The following SLMAP variants were observed in gnomAD, a reference collection of about 807,000 sequenced individuals.
The protein encoded by SLMAP is sarcolemma associated protein, also known as sarcolemmal membrane-associated protein.
In SLMAP, 44 loss-of-function variants were observed where a neutral mutation model predicts 128.8. The observed-to-expected ratio is 0.34, with a 90% CI of 0.27 to 0.44. The LOEUF (loss-of-function observed/expected upper bound fraction) is 0.44, where lower values mean the gene tolerates loss of function less well. Among genes scored for constraint, SLMAP ranks in the 20% least tolerant of loss-of-function variants. SLMAP has a pLI of 1.00. For missense variants in SLMAP, 787 were observed against 985.3 expected (o/e 0.80, Z 2.69); for synonymous variants, 327 against 348.8 (o/e 0.94, Z 0.70).
chr3:57,898,132 T>C (rs914452960), intron 17 of SLMAP: 6 of 152,212 alleles, frequency 3.9e-5, no homozygotes, highest in Non-Finnish European at 8.8e-5. Context: ...TTTGGGATTA[T>C]ATAAGGAAGG....
At chr3:57,856,480 C>T (rs373087809) in intron 6 of SLMAP, among the ~76,000 whole-genome samples, 1 of 152,038 alleles carries the variant, frequency 6.6e-6, no homozygotes, top group African/African-American at 2.4e-5. Flanking sequence ...GACATAAGCA[C>T]ACACATTAGC....
chr3:57,797,540 A>G (rs773719923), intron 2 of SLMAP, among the ~76,000 whole-genome samples: 5 of 151,652 alleles, frequency 3.3e-5, no homozygotes, highest in Non-Finnish European at 5.9e-5. Context: ...TGTAATGCAT[A>G]TAAAGCAATA....
At chr3:57,765,748 T>A (rs1356603889) in intron 2 of SLMAP, among the ~76,000 whole-genome samples, 1 of 152,226 alleles carries the variant, frequency 6.6e-6, no homozygotes, top group African/African-American at 2.4e-5. Flanking sequence ...ACTTGACAAG[T>A]TGTATTTAAG....
intron 2 of SLMAP, among the ~76,000 whole-genome samples, chr3:57,774,951 G>A (rs562521197): frequency 1.1e-3 from 173 of 152,172 alleles, no homozygotes; most frequent in Admixed American, 1.4e-3. Flanking sequence ...ATAGAAAAAT[G>A]TTTACTCCTG....
intron 23 of SLMAP, among the ~76,000 whole-genome samples, chr3:57,923,387 T>C (rs1051170893): frequency 2.6e-5 from 4 of 152,148 alleles, no homozygotes; most frequent in African/African-American, 9.7e-5. Flanking sequence ...CAGGGATCCA[T>C]TTAAGAGAGA....
chr3:57,906,300 C>CTTTTTTTTTTTTTTTTTTTTTT (rs112949836), intron 17 of SLMAP, among the ~76,000 whole-genome samples: 1 of 71,290 alleles, frequency 1.4e-5, no homozygotes, highest in East Asian at 9.5e-4. Flanking sequence ...AAATTTTTTT[C>CTTTTTTTTTTTTTTTTTTTTTT]TTTTTTTTTC....
intron 2 of SLMAP, among the ~76,000 whole-genome samples, chr3:57,798,061 T>C (rs765386704): frequency 2.0e-5 from 3 of 152,212 alleles, no homozygotes; most frequent in Non-Finnish European, 4.4e-5. Flanking sequence ...AGTTAATATA[T>C]GTGAAGGCAT....
intron 2 of SLMAP, among the ~76,000 whole-genome samples, chr3:57,791,231 A>G (rs1479229563): frequency 2.0e-5 from 3 of 152,072 alleles, no homozygotes; most frequent in Non-Finnish European, 2.9e-5. Context: ...ATTGTGGAGC[A>G]TGCCTGTAAT....
intron 13 of SLMAP, among the ~76,000 whole-genome samples, chr3:57,869,659 T>TATATATATAA (rs1213782539): frequency 8.7e-6 from 1 of 115,446 alleles, no homozygotes; most frequent in South Asian, 2.7e-4. Context: ...TATATATATA[T>TATATATATAA]AATATATATA....
At chr3:57,847,769 C>A (rs1360517119) in intron 5 of SLMAP, among the ~76,000 whole-genome samples, 1 of 151,952 alleles carries the variant, frequency 6.6e-6, no homozygotes, top group Admixed American at 6.6e-5. Flanking sequence ...GCTAATTAGC[C>A]CCCCAAAATA....
chr3:57,773,581 G>C (rs1391570995), intron 2 of SLMAP, among the ~76,000 whole-genome samples: 1 of 152,168 alleles, frequency 6.6e-6, no homozygotes, highest in Non-Finnish European at 1.5e-5. Flanking sequence ...GAATCTTGGA[G>C]TTGCAACTGT....
At chr3:57,859,584 C>T (rs1017880373) in intron 8 of SLMAP, among the ~76,000 whole-genome samples, 3 of 152,024 alleles carry the variant, frequency 2.0e-5, no homozygotes, top group African/African-American at 7.2e-5. Flanking sequence ...AAAACAATGG[C>T]CATTGTTTTT....
At chr3:57,758,796 A>G (rs1032830517) in intron 2 of SLMAP, among the ~76,000 whole-genome samples, 1 of 152,180 alleles carries the variant, frequency 6.6e-6, no homozygotes, top group African/African-American at 2.4e-5. Context: ...GTTTGTGGAG[A>G]GTATACTAAA....
At chr3:57,787,637 A>G (rs573027372) in intron 2 of SLMAP, among the ~76,000 whole-genome samples, 233 of 152,224 alleles carry the variant, frequency 1.5e-3, no homozygotes, top group African/African-American at 5.5e-3. Context: ...CACGATACCC[A>G]GCTAATTTTT....
intron 2 of SLMAP, among the ~76,000 whole-genome samples, chr3:57,799,275 A>C (rs1360455791): frequency 6.6e-6 from 1 of 152,214 alleles, no homozygotes; most frequent in African/African-American, 2.4e-5. Context: ...GGAGAGAGGT[A>C]GTGTGTCTTC....
At chr3:57,758,682 T>G (rs2153424489) in intron 2 of SLMAP, among the ~76,000 whole-genome samples, 1 of 152,368 alleles carries the variant, frequency 6.6e-6, no homozygotes, top group South Asian at 2.1e-4. Context: ...CAATTTAGTA[T>G]TTTTATGTTA....
intron 10 of SLMAP, among the ~76,000 whole-genome samples, chr3:57,864,207 A>G (rs2095223311): frequency 1.3e-5 from 2 of 152,204 alleles, no homozygotes; most frequent in Admixed American, 1.3e-4. Flanking sequence ...CAGGCGTTCG[A>G]GACCAGCCTG....
At chr3:57,893,445 GAA>G (rs111543189) in intron 15 of SLMAP, among the ~76,000 whole-genome samples, 22 of 134,768 alleles carry the variant, frequency 1.6e-4, no homozygotes, top group African/African-American at 2.8e-4. Flanking sequence ...AGAAAGAAAA[GAA>G]AAAAAAAAAA....
chr3:57,842,158 G>C (rs985239549), intron 4 of SLMAP, among the ~76,000 whole-genome samples: 1 of 152,092 alleles, frequency 6.6e-6, no homozygotes, highest in African/African-American at 2.4e-5. Flanking sequence ...AGGAAAAGTA[G>C]AGCATTGAAT....
Sources: allele counts gnomAD v4.1 joint callset (sites outside exome capture counted in the v4.1 genomes callset), GRCh38; gene constraint gnomAD v4.1.1; transcripts MANE v1.5; gene names NCBI Gene and HGNC (gene_info 2026-07-23, HGNC 2026-07-21).